The following ATP2C1 variants were observed in gnomAD, a reference collection of about 807,000 sequenced individuals.
ATP2C1 encodes the protein ATPase secretory pathway Ca2+ transporting 1, also known as calcium-transporting ATPase type 2C member 1.
ATP2C1 carries 31 observed loss-of-function variants against 120.5 expected under a neutral mutation model. The observed-to-expected ratio is 0.26, with a 90% CI of 0.19 to 0.35. The LOEUF (loss-of-function observed/expected upper bound fraction) is 0.35, where lower values mean the gene tolerates loss of function less well. Among genes scored for constraint, ATP2C1 ranks in the 10% least tolerant of loss-of-function variants. The probability of loss-of-function intolerance (pLI) is 1.00; values close to 1 mark genes in which losing one functional copy is unlikely to be tolerated. For synonymous variants in ATP2C1, 351 were observed against 358.7 expected, an observed-to-expected ratio of 0.98 and a Z score of 0.24; for missense variants, 731 against 1,107.5, an observed-to-expected ratio of 0.66 and a Z score of 4.83.
In ATP2C1 at chr3:130,894,704, C is replaced by T. The variant is rs886057979; in HGVS notation, c.-66C>T. 1.1e-5 allele frequency: 18 copies of T among 1,613,952 alleles called. No homozygotes were observed. Among genetic ancestry groups the T allele is most frequent in the Middle Eastern group, 3.3e-4 (2 of 6,080 alleles). On this transcript the variant is annotated 5_prime_UTR_variant, in exon 2 of 28. Coordinates refer to ENST00000510168, the MANE Select transcript of ATP2C1 (RefSeq NM_001378687.1). The surrounding 1 kb of genome is among the most constrained non-coding windows in gnomAD (Gnocchi z 4.5). Reference sequence around the variant, plus strand: ...TGTCCTCCTCCTCTCCTCTCTATTCCCAGTGTGGCCGTGGCTGACACTAAA... The same window carrying T: ...TGTCCTCCTCCTCTCCTCTCTATTCTCAGTGTGGCCGTGGCTGACACTAAA...
chr3:130,920,638 C>T (rs1351841309), intron 2 of ATP2C1, among the ~76,000 whole-genome samples: 2 of 152,032 alleles, frequency 1.3e-5, no homozygotes, highest in Non-Finnish European at 1.5e-5. Flanking sequence ...TGTTCTTTTA[C>T]AAGATTGATT....
intron 1 of ATP2C1, among the ~76,000 whole-genome samples, chr3:130,865,076 G>C (rs906026488): frequency 6.6e-6 from 1 of 152,138 alleles, no homozygotes; most frequent in Non-Finnish European, 1.5e-5. Context: ...AAGGAGGGAG[G>C]CTGTACCCTG....
At chr3:130,866,827 A>G (rs1305942101) in intron 1 of ATP2C1, among the ~76,000 whole-genome samples, 4 of 152,174 alleles carry the variant, frequency 2.6e-5, no homozygotes, top group Non-Finnish European at 5.9e-5. Context: ...ATTTTATTCC[A>G]CTTCACTTAT....
At chr3:130,936,884 A>T (rs1005550534) in intron 5 of ATP2C1, among the ~76,000 whole-genome samples, 1 of 151,024 alleles carries the variant, frequency 6.6e-6, no homozygotes, top group East Asian at 1.9e-4. Context: ...TCCCTTTTCC[A>T]CCGTATCTGT....
At chr3:130,898,327 A>G (rs1432078117) in intron 2 of ATP2C1, among the ~76,000 whole-genome samples, 3 of 152,152 alleles carry the variant, frequency 2.0e-5, no homozygotes, top group Non-Finnish European at 2.9e-5. Flanking sequence ...TCTTAATTCA[A>G]TTTCAAATTG....
At chr3:130,993,814 A>T in intron 21 of ATP2C1, 118 bp from the exon 22 acceptor site, 1 of 1,021,088 alleles carries the variant, frequency 9.8e-7, no homozygotes, top group Non-Finnish European at 1.5e-6. Context: ...TGGGTGGTCT[A>T]TATTATTTCT....
At chr3:131,009,388 G>C (rs1045330822) in intron 26 of ATP2C1, among the ~76,000 whole-genome samples, 1 of 152,194 alleles carries the variant, frequency 6.6e-6, no homozygotes, top group African/African-American at 2.4e-5. Flanking sequence ...GAAAGACTTA[G>C]CTATTTTAAC....
At chr3:130,979,492 A>G (rs774443912) in intron 19 of ATP2C1, 73 bp downstream of exon 19, 133 of 1,426,122 alleles carry the variant, frequency 9.3e-5, no homozygotes, top group Non-Finnish European at 1.3e-4. Flanking sequence ...TTTGTGAACT[A>G]TTAGTTATGA....
At chr3:130,995,515 T>C (rs899882264) in intron 22 of ATP2C1, among the ~76,000 whole-genome samples, 3 of 152,170 alleles carry the variant, frequency 2.0e-5, no homozygotes, top group Non-Finnish European at 4.4e-5. Context: ...AAGTATCTTC[T>C]TCAGAATAAG....
At chr3:130,954,734 G>T (rs1234203221) in intron 9 of ATP2C1, among the ~76,000 whole-genome samples, 1 of 152,070 alleles carries the variant, frequency 6.6e-6, no homozygotes, top group East Asian at 1.9e-4. Flanking sequence ...TGATCCACCC[G>T]CCTCGGCCAC....
intron 2 of ATP2C1, chr3:130,918,699 C>G: frequency 2.1e-6 from 1 of 471,398 alleles, no homozygotes; most frequent in Admixed American, 2.7e-5. Context: ...GCATAGAAAG[C>G]AGCAGCAGTG....
intron 2 of ATP2C1, chr3:130,928,115 G>C (rs1020170825): frequency 5.3e-5 from 8 of 152,218 alleles, no homozygotes; most frequent in Admixed American, 2.0e-4. Flanking sequence ...TTCCTGAAAT[G>C]AGTTTCTGCT....
At chr3:130,944,538 A>AT (rs1467442863) in intron 8 of ATP2C1, among the ~76,000 whole-genome samples, 1 of 152,158 alleles carries the variant, frequency 6.6e-6, no homozygotes, top group East Asian at 1.9e-4. Context: ...TAATGGCATC[A>AT]TTAGGACTAG....
intron 20 of ATP2C1, among the ~76,000 whole-genome samples, chr3:130,984,540 A>G (rs1242014907): frequency 6.6e-6 from 1 of 152,182 alleles, no homozygotes; most frequent in Non-Finnish European, 1.5e-5. Context: ...TGTTGTTACT[A>G]ATAGAAATAC....
At chr3:130,974,127 G>C (rs1448204614) in intron 17 of ATP2C1, among the ~76,000 whole-genome samples, 1 of 152,040 alleles carries the variant, frequency 6.6e-6, no homozygotes, top group African/African-American at 2.4e-5. Flanking sequence ...ACCATGAGAA[G>C]GGTTTTATAT....
At chr3:130,926,402 G>A (rs924237157) in intron 2 of ATP2C1, among the ~76,000 whole-genome samples, 1 of 152,134 alleles carries the variant, frequency 6.6e-6, no homozygotes, top group African/African-American at 2.4e-5. Context: ...GGAGATAAAG[G>A]TTTTCAAAAA....
At chr3:130,980,492 T>TC in intron 19 of ATP2C1, 90 bp from the exon 20 acceptor site, 1 of 884,440 alleles carries the variant, frequency 1.1e-6, no homozygotes, top group African/African-American at 1.6e-5. Flanking sequence ...AGAGAACAGA[T>TC]AACAAATCAT....
intron 1 of ATP2C1, among the ~76,000 whole-genome samples, chr3:130,865,570 T>C (rs2068147338): frequency 6.6e-6 from 1 of 152,202 alleles, no homozygotes; most frequent in Non-Finnish European, 1.5e-5. Context: ...TTCCCATGTG[T>C]TGTGGGATGG....
At chr3:131,012,263 T>TC (rs1241611680) in intron 26 of ATP2C1, among the ~76,000 whole-genome samples, 6 of 146,858 alleles carry the variant, frequency 4.1e-5, no homozygotes, top group East Asian at 1.9e-4. Context: ...CTTTTTTCTT[T>TC]TTTTTTTTTT....
Sources: gnomAD v4.1 joint callset for allele counts (sites outside exome capture counted in the v4.1 genomes callset) on GRCh38, gnomAD v4.1.1 for gene constraint, Gnocchi (gnomAD v3.1) non-coding constraint, MANE v1.5 for transcripts, NCBI Gene and HGNC (gene_info 2026-07-23, HGNC 2026-07-21) for gene names.